The following RABGAP1L variants were observed in gnomAD, a reference collection of about 807,000 sequenced individuals.
RABGAP1L encodes the protein RAB GTPase activating protein 1 like, also known as rab GTPase-activating protein 1-like.
RABGAP1L carries 63 observed loss-of-function variants against 137.7 expected under a neutral mutation model. That is an observed-to-expected ratio of 0.46 (90% CI 0.37 to 0.56). The LOEUF (loss-of-function observed/expected upper bound fraction) is 0.56, where lower values mean the gene tolerates loss of function less well. RABGAP1L is among the 20% of genes least tolerant of loss of function. The pLI is 0.00. For missense variants in RABGAP1L, 1,095 were observed against 1,244.0 expected, an observed-to-expected ratio of 0.88 and a Z score of 1.80; for synonymous variants, 431 against 433.7, an observed-to-expected ratio of 0.99 and a Z score of 0.08.
intron 13 of RABGAP1L, among the ~76,000 whole-genome samples, chr1:174,442,253 A>ATTGTG (rs1406821797): frequency 6.6e-6 from 1 of 151,848 alleles, no homozygotes; most frequent in Admixed American, 6.6e-5. Context: ...ACTAGAGAAT[A>ATTGTG]TCTGATTTTG....
intron 19 of RABGAP1L, among the ~76,000 whole-genome samples, chr1:174,859,836 CT>C (rs370713655): frequency 4.2e-5 from 6 of 141,684 alleles, no homozygotes; most frequent in African/African-American, 1.8e-4. Flanking sequence ...ACATGTACCC[CT>C]GAACTTAAAA....
chr1:174,534,802 A>AAAAAAAAAAAAAAAAATAATAAT (rs1553324953), intron 13 of RABGAP1L, among the ~76,000 whole-genome samples: 3 of 137,266 alleles, frequency 2.2e-5, no homozygotes, highest in Non-Finnish European at 4.7e-5. Flanking sequence ...AAAAAAAAAA[A>AAAAAAAAAAAAAAAAATAATAAT]AATAATTAGA....
At chr1:174,397,016 C>G (rs1647956595) in intron 13 of RABGAP1L, among the ~76,000 whole-genome samples, 1 of 151,638 alleles carries the variant, frequency 6.6e-6, no homozygotes, top group Non-Finnish European at 1.5e-5. Context: ...GTTGCACATA[C>G]CTGTAGTCCC....
rs183479052 is a variant in RABGAP1L at position 174,187,732 on chromosome 1, A to G, written c.-34+28075A>G. Among the ~76,000 whole-genome samples, 201 of 152,208 alleles carry G rather than the reference A, an allele frequency of 1.3e-3. 1 individual carries two copies. Among genetic ancestry groups the G allele is most frequent in the African/African-American group, 4.5e-3 (189 of 41,566 alleles). On this transcript the variant is annotated intron_variant, in intron 1 of 25. Coordinates refer to ENST00000681986, the MANE Select transcript of RABGAP1L (RefSeq NM_001366446.1). Reference sequence around the variant, plus strand: ...TTATTTTTCGTTCACTATCTTAAGAATTCTGATCATCTTGTAGGAAACTTA... The same window carrying G: ...TTATTTTTCGTTCACTATCTTAAGAGTTCTGATCATCTTGTAGGAAACTTA...
rs1672264086 is a variant in RABGAP1L at position 174,994,685 on chromosome 1, T to A, written c.*4684T>A. On this transcript the variant is annotated 3_prime_UTR_variant, in exon 26 of 26. Coordinates refer to ENST00000681986, the MANE Select transcript of RABGAP1L (RefSeq NM_001366446.1). ...AGCACAAGAATAAGGCTGGAGATGG[T>A]CCCAGATCCAAGATGTCCCAAAAGC... 1 of 152,180 alleles carries A rather than the reference T, an allele frequency of 6.6e-6. No homozygotes were observed. Among genetic ancestry groups the A allele is most frequent in the African/African-American group, 2.4e-5 (1 of 41,434 alleles). The allele number at this position is 152,180 out of a possible 1,614,324, so 9.4% of individuals were successfully genotyped here.
intron 14 of RABGAP1L, among the ~76,000 whole-genome samples, chr1:174,664,117 G>T (rs748144896): frequency 3.9e-5 from 6 of 152,178 alleles, no homozygotes; most frequent in Non-Finnish European, 7.3e-5. Flanking sequence ...ACAACTTTGT[G>T]TATTGATTAG....
intron 18 of RABGAP1L, among the ~76,000 whole-genome samples, chr1:174,780,425 C>T (rs1356142459): frequency 6.6e-6 from 1 of 152,124 alleles, no homozygotes; most frequent in African/African-American, 2.4e-5. Context: ...TCCTAAATCT[C>T]ATGTTTTTCA....
At chr1:174,201,161 G>T (rs1377781542) in intron 1 of RABGAP1L, among the ~76,000 whole-genome samples, 2 of 151,874 alleles carry the variant, frequency 1.3e-5, no homozygotes, top group African/African-American at 4.8e-5. Context: ...TCCCTCTGTT[G>T]CTCAGGCTGG....
intron 4 of RABGAP1L, among the ~76,000 whole-genome samples, chr1:174,238,127 C>G (rs1254807835): frequency 2.0e-5 from 3 of 152,112 alleles, no homozygotes; most frequent in African/African-American, 7.2e-5. Context: ...TCCATCAGCT[C>G]CTTTAGGCAC....
chr1:174,432,028 A>G (rs1286714363), intron 13 of RABGAP1L, among the ~76,000 whole-genome samples: 1 of 152,190 alleles, frequency 6.6e-6, no homozygotes, highest in African/African-American at 2.4e-5. Context: ...ATATTGCATG[A>G]TGCTGAGGTT....
intron 12 of RABGAP1L, among the ~76,000 whole-genome samples, chr1:174,373,308 T>C (rs1685257767): frequency 6.6e-6 from 1 of 152,138 alleles, no homozygotes; most frequent in Non-Finnish European, 1.5e-5. Flanking sequence ...AACAGAAGCA[T>C]TTTAATGCAG....
At chr1:174,735,808 G>C (rs1682895932) in intron 17 of RABGAP1L, among the ~76,000 whole-genome samples, 1 of 151,970 alleles carries the variant, frequency 6.6e-6, no homozygotes, top group African/African-American at 2.4e-5. Context: ...GCAAGGGAAT[G>C]GGGAGATACC....
chr1:174,564,765 A>C (rs1244156367), intron 13 of RABGAP1L, among the ~76,000 whole-genome samples: 1 of 152,176 alleles, frequency 6.6e-6, no homozygotes, highest in Non-Finnish European at 1.5e-5. Context: ...TATATGTAAA[A>C]TTAGAGGAGA....
chr1:174,253,043 G>T (rs1672841699), intron 7 of RABGAP1L, among the ~76,000 whole-genome samples: 1 of 152,064 alleles, frequency 6.6e-6, no homozygotes, highest in South Asian at 2.1e-4. Context: ...TAGGACAAAA[G>T]ATATAAATAA....
intron 1 of RABGAP1L, among the ~76,000 whole-genome samples, chr1:174,193,149 G>A (rs1391657791): frequency 2.0e-5 from 3 of 152,118 alleles, no homozygotes; most frequent in Non-Finnish European, 2.9e-5. Context: ...ATCCTTAACA[G>A]TTATTCTTAA....
At chr1:174,681,121 GTAA>G (rs766308272) in intron 14 of RABGAP1L, among the ~76,000 whole-genome samples, 3 of 152,176 alleles carry the variant, frequency 2.0e-5, no homozygotes, top group Non-Finnish European at 4.4e-5. Flanking sequence ...TGCTAGGGGT[GTAA>G]TAATTGTATA....
At chr1:174,480,529 A>G in intron 13 of RABGAP1L, among the ~76,000 whole-genome samples, 1 of 152,120 alleles carries the variant, frequency 6.6e-6, no homozygotes, top group East Asian at 1.9e-4. Context: ...TGATTACATC[A>G]CTCCTTTTCT....
At chr1:174,905,389 A>G (rs1658878997) in intron 19 of RABGAP1L, among the ~76,000 whole-genome samples, 1 of 152,228 alleles carries the variant, frequency 6.6e-6, no homozygotes, top group African/African-American at 2.4e-5. Flanking sequence ...AGCAATTCAG[A>G]AATTTATCAG....
intron 13 of RABGAP1L, among the ~76,000 whole-genome samples, chr1:174,470,691 T>A (rs544337023): frequency 6.6e-6 from 1 of 151,950 alleles, no homozygotes; most frequent in Admixed American, 6.6e-5. Flanking sequence ...AGCTTGAACC[T>A]GGGAGATGGA....
Sources: gnomAD v4.1 joint callset for allele counts (sites outside exome capture counted in the v4.1 genomes callset) on GRCh38, gnomAD v4.1.1 for gene constraint, MANE v1.5 for transcripts, NCBI Gene and HGNC (gene_info 2026-07-23, HGNC 2026-07-21) for gene names.